The following ACSL1 variants were observed in gnomAD, a reference collection of about 807,000 sequenced individuals.
ACSL1 encodes long-chain-fatty-acid--CoA ligase 1.
ACSL1 carries 41 observed loss-of-function variants against 98.4 expected under a neutral mutation model. The ratio of observed to expected loss-of-function variants is 0.42; its 90% CI spans 0.32 to 0.54. The LOEUF (loss-of-function observed/expected upper bound fraction) is 0.54. ACSL1 is among the 20% of genes least tolerant of loss of function. The pLI, the probability that ACSL1 is intolerant of heterozygous loss-of-function variation, is 0.13. For missense variants in ACSL1, 734 were observed against 883.1 expected, an observed-to-expected ratio of 0.83 and a Z score of 2.14; for synonymous variants, 316 against 322.7, an observed-to-expected ratio of 0.98 and a Z score of 0.22.
chr4:184,777,537 A>G (rs1256487587), intron 5 of ACSL1, among the ~76,000 whole-genome samples: 1 of 151,706 alleles, frequency 6.6e-6, no homozygotes, highest in African/African-American at 2.4e-5. Context: ...AGATGAGAGG[A>G]CAGAGAGAGA....
At chr4:184,782,997 A>G (rs1766577593) in intron 4 of ACSL1, among the ~76,000 whole-genome samples, 1 of 152,100 alleles carries the variant, frequency 6.6e-6, no homozygotes, top group Non-Finnish European at 1.5e-5. Flanking sequence ...ATTTGTATTC[A>G]TGAATCCGCA....
At chr4:184,813,108 C>T (rs2150483462) in intron 1 of ACSL1, among the ~76,000 whole-genome samples, 1 of 152,290 alleles carries the variant, frequency 6.6e-6, no homozygotes, top group South Asian at 2.1e-4. Context: ...CTGTCATGTA[C>T]ATCCACTTGA....
chr4:184,778,585 C>T (rs908474243), intron 5 of ACSL1, among the ~76,000 whole-genome samples: 18 of 152,280 alleles, frequency 1.2e-4, no homozygotes, highest in Middle Eastern at 6.8e-3. Context: ...TTCTGCCCTG[C>T]GCCCACACTT....
At chr4:184,826,366 G>A (rs1179272049), upstream of ACSL1, among the ~76,000 whole-genome samples, 4 of 152,146 alleles carry the variant, frequency 2.6e-5, no homozygotes, top group African/African-American at 7.2e-5. Flanking sequence ...GGCGCCCTCC[G>A]GATCCTGCAC....
intron 14 of ACSL1, among the ~76,000 whole-genome samples, 153 bp from the exon 15 acceptor site, chr4:184,765,078 C>T (rs943614237): frequency 6.6e-6 from 1 of 152,172 alleles, no homozygotes; most frequent in African/African-American, 2.4e-5. Context: ...ATTCAATGGT[C>T]CAGTGTGCTT....
At position 184,788,728 on chromosome 4, in the gene ACSL1, T is replaced by C. The variant is rs1336713884; in HGVS notation, c.199A>G (p.Ser67Gly). 9.9e-6 allele frequency: 16 copies of C among 1,613,502 alleles called. No individual in the cohort carries two copies. The highest frequency in any genetic ancestry group is 1.4e-5 in the Non-Finnish European group (16 of 1,179,666). ...AGTGCGGATCTTCGTGCACCACCAC[T>C]ACCCTATCAAAAAAGAAAGGGGGGC... ...LSMQSVEVAG[S>G]GGARRSALLD... Residue 67 changes from serine (S) to glycine (G), a missense_variant, in exon 3 of 21, where the codon AGT becomes GGT. By Grantham distance (56) the Ser-to-Gly change is moderately conservative. Transcript: ENST00000281455.
chr4:184,778,281 G>T (rs1765630022), intron 5 of ACSL1, among the ~76,000 whole-genome samples: 2 of 152,222 alleles, frequency 1.3e-5, no homozygotes, highest in Non-Finnish European at 2.9e-5. Flanking sequence ...ACAGCCGGGG[G>T]AAGGGGGCAC....
intron 1 of ACSL1, among the ~76,000 whole-genome samples, chr4:184,824,713 CT>C (rs1773327882): frequency 6.6e-6 from 1 of 152,196 alleles, no homozygotes; most frequent in Admixed American, 6.5e-5. Context: ...TGGCTCCAAT[CT>C]GATGGCGAGC....
intron 1 of ACSL1, among the ~76,000 whole-genome samples, chr4:184,811,027 G>A (rs1377701781): frequency 1.3e-5 from 2 of 152,196 alleles, no homozygotes; most frequent in East Asian, 1.9e-4. Flanking sequence ...GAGCACATCA[G>A]CCCAGTCGTG....
chr4:184,808,539 C>T (rs1771715227), intron 1 of ACSL1: 6 of 979,170 alleles, frequency 6.1e-6, no homozygotes, highest in African/African-American at 3.5e-5. Flanking sequence ...GCTGCCATTC[C>T]GTGCCCCGCC....
At chr4:184,823,976 T>C (rs1348334659) in intron 1 of ACSL1, among the ~76,000 whole-genome samples, 1 of 152,200 alleles carries the variant, frequency 6.6e-6, no homozygotes, top group Non-Finnish European at 1.5e-5. Context: ...GGGTCACTTG[T>C]ATCTACCTCC....
At position 184,773,321 on chromosome 4, in the gene ACSL1, T is replaced by C. The variant is rs572597491; in HGVS notation, c.842-167A>G. ...GCAACCTGCAATCCTTACACTGACTTATCTTTAAAAACCTTTATTAATATG... is the reference window on the plus strand; with the variant it reads ...GCAACCTGCAATCCTTACACTGACTCATCTTTAAAAACCTTTATTAATATG... On this transcript the variant is annotated intron_variant, in intron 9 of 20. Transcript: ENST00000281455. The surrounding 1 kb of genome is among the most constrained non-coding windows in gnomAD (Gnocchi z 4.3). 6.6e-6 allele frequency among the ~76,000 whole-genome samples: 1 copy of C among 152,324 alleles called. No individual in the cohort carries two copies. The highest frequency in any genetic ancestry group is 2.4e-5 in the African/African-American group (1 of 41,562).
At chr4:184,824,515 T>C (rs751809294) in intron 1 of ACSL1, among the ~76,000 whole-genome samples, 3 of 152,180 alleles carry the variant, frequency 2.0e-5, no homozygotes, top group Non-Finnish European at 4.4e-5. Flanking sequence ...GTATAAGGTG[T>C]GCGGCTAACA....
chr4:184,791,173 T>C (rs13137179), intron 2 of ACSL1, among the ~76,000 whole-genome samples: 38,433 of 152,188 alleles, frequency 0.25, 5,970 homozygotes, highest in Non-Finnish European at 0.35. Flanking sequence ...CATGGTCTTT[T>C]TCAGTGCTCT....
chr4:184,766,345 G>A lies in ACSL1; in HGVS notation c.1263+277C>T, dbSNP rs1210169997. On this transcript the variant is annotated intron_variant, in intron 13 of 20. Transcript: ENST00000281455. The surrounding 1 kb of genome is among the most constrained non-coding windows in gnomAD (Gnocchi z 4.8). Reference sequence around the variant, plus strand: ...ATGCTTGAAAAATTACCTCAAGAGTGACACGCTTGTTCCGGAAAAACGCAA... The same window carrying A: ...ATGCTTGAAAAATTACCTCAAGAGTAACACGCTTGTTCCGGAAAAACGCAA... 6.6e-6 allele frequency among the ~76,000 whole-genome samples: 1 copy of A among 152,150 alleles called. No homozygotes were observed. The highest frequency in any genetic ancestry group is 2.4e-5 in the African/African-American group (1 of 41,430).
intron 1 of ACSL1, among the ~76,000 whole-genome samples, chr4:184,817,807 G>A (rs985018274): frequency 6.6e-6 from 1 of 152,090 alleles, no homozygotes; most frequent in East Asian, 1.9e-4. Context: ...AGACTGAGCC[G>A]GCCTCTCTGC....
intron 2 of ACSL1, among the ~76,000 whole-genome samples, chr4:184,791,107 C>A (rs146577909): frequency 7.3e-4 from 111 of 152,338 alleles, no homozygotes; most frequent in African/African-American, 2.5e-3. Context: ...GAGGTCCTCA[C>A]GATGCTCTGC....
chr4:184,822,070 T>C (rs1168558240), intron 1 of ACSL1, among the ~76,000 whole-genome samples: 1 of 152,236 alleles, frequency 6.6e-6, no homozygotes, highest in African/African-American at 2.4e-5. Flanking sequence ...AGAATTTTAT[T>C]TAAACTTGAA....
Position 184,776,952 on chromosome 4 carries a change from TAAGCAAAGCATCCTTGTTC to T in ACSL1, c.490_508del (p.Glu164IlefsTer4). ...ATAAAGTGGAACGATCACCATCGAATAAGCAAAGCATCCTTGTTCAATAATCACCCACTAAACAAACAGT... is the reference window on the plus strand; with the variant it reads ...ATAAAGTGGAACGATCACCATCGAATAATAATCACCCACTAAACAAACAGT... On this transcript the variant is annotated frameshift_variant, in exon 6 of 21. Transcript: ENST00000281455. LOFTEE classifies it high-confidence loss of function. The T allele has an allele frequency of 6.2e-7, 1 of 1,614,134 alleles. No individual in the cohort carries two copies.
Sources: allele counts gnomAD v4.1 joint callset (sites outside exome capture counted in the v4.1 genomes callset), GRCh38; gene constraint gnomAD v4.1.1; non-coding constraint Gnocchi (gnomAD v3.1); transcripts MANE v1.5; gene names NCBI Gene and HGNC (gene_info 2026-07-23, HGNC 2026-07-21).